NRXN1: variants seen among roughly 807,000 people sequenced by gnomAD.
NRXN1 encodes neurexin 1, also known as neurexin-1.
NRXN1 carries 39 observed loss-of-function variants against 150.9 expected under a neutral mutation model. The observed-to-expected ratio is 0.26, with a 90% confidence interval of 0.20 to 0.34. The LOEUF (loss-of-function observed/expected upper bound fraction) is 0.34, where lower values mean the gene tolerates loss of function less well. Ranked by LOEUF, NRXN1 falls within the 10% of genes least tolerant of loss-of-function variation. The pLI is 1.00. For synonymous variants in NRXN1, 924 were observed against 757.0 expected (o/e 1.22, Z -3.62); for missense variants, 1,815 against 1,949.9 (o/e 0.93, Z 1.30).
intron 2 of NRXN1, among the ~76,000 whole-genome samples, chr2:50,986,851 A>C (rs1458996875): frequency 6.6e-6 from 1 of 151,850 alleles, no homozygotes; most frequent in Non-Finnish European, 1.5e-5. Context: ...GTTTAAAATA[A>C]ACACAATTGA....
intron 2 of NRXN1, among the ~76,000 whole-genome samples, chr2:50,932,247 G>T (rs978724985): frequency 6.6e-6 from 1 of 152,004 alleles, no homozygotes; most frequent in Non-Finnish European, 1.5e-5. Context: ...AATTGGCTGG[G>T]CATGGTGGCA....
intron 21 of NRXN1, among the ~76,000 whole-genome samples, chr2:49,994,727 G>C (rs554407737): frequency 6.6e-6 from 1 of 152,320 alleles, no homozygotes; most frequent in East Asian, 1.9e-4. Flanking sequence ...CCTTTGGCCA[G>C]TCATGCTCAT....
intron 17 of NRXN1, among the ~76,000 whole-genome samples, chr2:50,244,288 T>C (rs1338038474): frequency 6.6e-6 from 1 of 151,788 alleles, no homozygotes; most frequent in South Asian, 2.1e-4. Context: ...CTTGTCAATA[T>C]CCTAGACATT....
chr2:50,944,882 C>T (rs886348962), intron 2 of NRXN1, among the ~76,000 whole-genome samples: 2 of 152,214 alleles, frequency 1.3e-5, no homozygotes, highest in African/African-American at 2.4e-5. Flanking sequence ...CATAGGAATG[C>T]ATGTAAATTA....
intron 5 of NRXN1, among the ~76,000 whole-genome samples, chr2:50,749,066 T>C (rs944492395): frequency 2.0e-5 from 3 of 152,096 alleles, no homozygotes; most frequent in African/African-American, 7.2e-5. Flanking sequence ...TCCCAATCCA[T>C]CCTCAGATTT....
chr2:50,098,497 T>C (rs573707532), intron 18 of NRXN1, among the ~76,000 whole-genome samples: 2 of 152,276 alleles, frequency 1.3e-5, no homozygotes, highest in African/African-American at 4.8e-5. Context: ...TTATGTTCTG[T>C]CTACCTTCTA....
intron 17 of NRXN1, among the ~76,000 whole-genome samples, chr2:50,364,849 A>T (rs980085236): frequency 6.6e-6 from 1 of 152,042 alleles, no homozygotes; most frequent in African/African-American, 2.4e-5. Flanking sequence ...TCAAAGTTTT[A>T]GTTATTTTTT....
intron 17 of NRXN1, among the ~76,000 whole-genome samples, chr2:50,426,139 C>A (rs1659278200): frequency 6.6e-6 from 1 of 152,138 alleles, no homozygotes; most frequent in South Asian, 2.1e-4. Flanking sequence ...CCTTTTTGAT[C>A]TTCTAAACTA....
chr2:50,558,566 T>C (rs928436502), intron 8 of NRXN1, among the ~76,000 whole-genome samples: 1 of 152,224 alleles, frequency 6.6e-6, no homozygotes, highest in Non-Finnish European at 1.5e-5. Flanking sequence ...AAATGTCCCT[T>C]CAAGTCCAGT....
intron 17 of NRXN1, among the ~76,000 whole-genome samples, chr2:50,291,778 A>T (rs1398552892): frequency 6.6e-6 from 1 of 152,162 alleles, no homozygotes; most frequent in Non-Finnish European, 1.5e-5. Context: ...AAGTCACAGG[A>T]GCAATAAATT....
At chr2:50,041,617 G>C (rs1329312112) in intron 21 of NRXN1, among the ~76,000 whole-genome samples, 1 of 152,216 alleles carries the variant, frequency 6.6e-6, no homozygotes, top group African/African-American at 2.4e-5. Flanking sequence ...TTAGCTATTT[G>C]TCTGTGGCTC....
chr2:50,925,674 C>T (rs1462975476), intron 3 of NRXN1, among the ~76,000 whole-genome samples: 1 of 151,842 alleles, frequency 6.6e-6, no homozygotes, highest in African/African-American at 2.4e-5. Flanking sequence ...TTTTCTCATA[C>T]AGAACACTGT....
chr2:51,026,408 T>G lies in NRXN1; in HGVS notation c.772+1094A>C, dbSNP rs200332062. ...GCTTTGCTGTATTTATACAACAGTA[T>G]TTTCCTTGGTCATTGTCATGTAACA... is the stretch of plus-strand genomic sequence containing the variant. On this transcript the variant is annotated intron_variant, in intron 2 of 22. Coordinates refer to ENST00000401669, the MANE Select transcript of NRXN1 (RefSeq NM_001330078.2). The G allele has an allele frequency of 2.8e-5, 45 of 1,602,842 alleles. No homozygotes were observed. The highest frequency in any genetic ancestry group is 1.0e-4 in the South Asian group (9 of 89,044).
At chr2:50,443,921 G>T in intron 17 of NRXN1, among the ~76,000 whole-genome samples, 1 of 151,940 alleles carries the variant, frequency 6.6e-6, no homozygotes, top group Non-Finnish European at 1.5e-5. Context: ...TTAAATATTT[G>T]ACTGTTTAAT....
chr2:50,750,244 C>T (rs940016499), intron 5 of NRXN1, among the ~76,000 whole-genome samples: 1 of 151,902 alleles, frequency 6.6e-6, no homozygotes, highest in Non-Finnish European at 1.5e-5. Flanking sequence ...CATTCAGAGC[C>T]CTCATCTGAC....
intron 18 of NRXN1, among the ~76,000 whole-genome samples, chr2:50,098,830 G>GTTT (rs746736925): frequency 1.5e-4 from 16 of 105,518 alleles, no homozygotes; most frequent in East Asian, 3.1e-4. Flanking sequence ...TTTGGTTTTA[G>GTTT]TTTTTTTTTT....
intron 8 of NRXN1, among the ~76,000 whole-genome samples, chr2:50,577,553 T>C (rs1027890936): frequency 6.6e-6 from 1 of 152,118 alleles, no homozygotes; most frequent in Non-Finnish European, 1.5e-5. Flanking sequence ...CATTACTAAG[T>C]ACTTTTTCAA....
intron 5 of NRXN1, among the ~76,000 whole-genome samples, chr2:50,902,164 A>G (rs1683050741): frequency 6.6e-6 from 1 of 152,218 alleles, no homozygotes; most frequent in South Asian, 2.1e-4. Context: ...CTGAAATATC[A>G]TTAATTCACT....
intron 18 of NRXN1, among the ~76,000 whole-genome samples, chr2:50,119,480 T>C (rs1396260309): frequency 6.6e-6 from 1 of 151,808 alleles, no homozygotes; most frequent in Admixed American, 6.6e-5. Flanking sequence ...TTCTTTGTCA[T>C]GTCTAAAGCC....
Sources: allele counts gnomAD v4.1 joint callset (sites outside exome capture counted in the v4.1 genomes callset), GRCh38; gene constraint gnomAD v4.1.1; transcripts MANE v1.5; gene names NCBI Gene and HGNC (gene_info 2026-07-23, HGNC 2026-07-21).